Variants in CCP110 observed in about 807,000 individuals in gnomAD.
The protein encoded by CCP110 is centriolar coiled-coil protein 110, also known as centriolar coiled-coil protein of 110 kDa.
A neutral mutation model predicts 105.5 loss-of-function variants in CCP110; 43 were observed. The observed-to-expected ratio is 0.41, with a 90% CI of 0.32 to 0.53. CCP110 has a LOEUF of 0.53. CCP110 is among the 20% of genes least tolerant of loss of function. CCP110 has a pLI of 0.32. For missense variants in CCP110, 1,016 were observed against 1,189.1 expected (o/e 0.85, Z 2.14); for synonymous variants, 353 against 392.1 (o/e 0.90, Z 1.18).
At chr16:19,550,446 T>A (rs903017878) in intron 14 of CCP110, among the ~76,000 whole-genome samples, 1 of 152,176 alleles carries the variant, frequency 6.6e-6, no homozygotes, top group Non-Finnish European at 1.5e-5. Flanking sequence ...AGCCACCGCG[T>A]CCAGCCAGAA....
At chr16:19,531,981 A>AG (rs397954688) in intron 2 of CCP110, among the ~76,000 whole-genome samples, 1 of 151,810 alleles carries the variant, frequency 6.6e-6, no homozygotes, top group Non-Finnish European at 1.5e-5. Flanking sequence ...AAAAAAAAAA[A>AG]GGATACTGAA....
chr16:19,547,824 G>A (rs1970512189), intron 12 of CCP110, 131 bp from the exon 13 acceptor site: 1 of 667,718 alleles, frequency 1.5e-6, no homozygotes, highest in Non-Finnish European at 2.7e-6. Context: ...TCTGATTTGT[G>A]GTAATATATA....
intron 8 of CCP110, 25 bp from the exon 9 acceptor site, chr16:19,544,772 T>C (rs952721621): frequency 7.5e-6 from 9 of 1,193,956 alleles, no homozygotes; most frequent in Non-Finnish European, 1.1e-5. Flanking sequence ...GAAAAATGTT[T>C]TTGAAGGAGC....
intron 2 of CCP110, among the ~76,000 whole-genome samples, chr16:19,530,981 A>G (rs1969847821): frequency 6.6e-6 from 1 of 152,170 alleles, no homozygotes; most frequent in Non-Finnish European, 1.5e-5. Flanking sequence ...ACTAAATTAA[A>G]TCAGAAGTTA....
At chr16:19,538,302 CTTTTTTTTT>C (rs1164690143) in intron 4 of CCP110, among the ~76,000 whole-genome samples, 7 of 55,244 alleles carry the variant, frequency 1.3e-4, no homozygotes, top group East Asian at 7.0e-4. Flanking sequence ...GGAAACAGTT[CTTTTTTTTT>C]TTTTTTTTTT....
chr16:19,548,405 T>G lies in CCP110; in HGVS notation c.2901-110T>G. On this transcript the variant is annotated intron_variant, in intron 13 of 14. Coordinates refer to ENST00000381396, the Ensembl canonical transcript of CCP110. This position sits in a 1 kb window ranked among gnomAD's most constrained non-coding sequence, Gnocchi z 4.1. ...CGCATGCATGAGACTTCAGTTCTTT[T>G]CAAGCTTATTTGTGCTTTGGACAGT... 1 of 720,346 alleles carries G rather than the reference T, an allele frequency of 1.4e-6. No homozygotes were observed. Among genetic ancestry groups the G allele is most frequent in the Non-Finnish European group, 2.3e-6 (1 of 440,148 alleles). 44.6% of individuals were successfully genotyped at this position (720,346 alleles called of 1,614,324 possible).
At chr16:19,524,450 T>G (rs1411163748) in intron 1 of CCP110, among the ~76,000 whole-genome samples, 1 of 151,948 alleles carries the variant, frequency 6.6e-6, no homozygotes, top group Non-Finnish European at 1.5e-5. Flanking sequence ...GTTTGGGCCG[T>G]TTTTCTTCTC....
chr16:19,539,268 T>C (rs190485884), intron 4 of CCP110, among the ~76,000 whole-genome samples: 1 of 149,844 alleles, frequency 6.7e-6, no homozygotes, highest in African/African-American at 2.4e-5. Flanking sequence ...TTATTACTGA[T>C]ATAGAAGACA....
At chr16:19,546,129 A>G in intron 11 of CCP110, 1 of 520,204 alleles carries the variant, frequency 1.9e-6, no homozygotes, top group Non-Finnish European at 3.3e-6. Context: ...TAGCTGGTTA[A>G]TCTTAAAAAC....
chr16:19,543,487 C>CA (rs1970358371), intron 8 of CCP110, among the ~76,000 whole-genome samples: 1 of 152,104 alleles, frequency 6.6e-6, no homozygotes. Flanking sequence ...AATAGGAAAT[C>CA]AGTGCAACTT....
chr16:19,529,651 G>T (rs1225863133), intron 2 of CCP110, among the ~76,000 whole-genome samples: 1 of 151,872 alleles, frequency 6.6e-6, no homozygotes, highest in Non-Finnish European at 1.5e-5. Flanking sequence ...TAAATATTTT[G>T]GTGTACATCT....
chr16:19,548,510 A>G lies in CCP110; in HGVS notation c.2901-5A>G, dbSNP rs1411920244. On this transcript the variant is annotated splice_region_variant and splice_polypyrimidine_tract_variant and intron_variant, in intron 13 of 14. Transcript: ENST00000381396. This position sits in a 1 kb window ranked among gnomAD's most constrained non-coding sequence, Gnocchi z 4.1. Reference sequence around the variant, plus strand: ...TGACTTATTAATTTTTTTATATTCAATTAGAACCCCTAAGACATCAGTGAA... The same window carrying G: ...TGACTTATTAATTTTTTTATATTCAGTTAGAACCCCTAAGACATCAGTGAA... 2.0e-6 allele frequency: 3 copies of G among 1,525,088 alleles called. No individual in the cohort carries two copies. The African/African-American group carries it at 4.2e-5, about 21-fold the overall frequency. The allele number at this position is 1,525,088 out of a possible 1,614,324, so 94.5% of individuals were successfully genotyped here. A position where few individuals can be genotyped will look rare whatever the true frequency, so the allele number is the denominator to read the frequency against.
intron 3 of CCP110, among the ~76,000 whole-genome samples, chr16:19,534,009 C>T (rs1398260633): frequency 6.6e-6 from 1 of 152,116 alleles, no homozygotes; most frequent in African/African-American, 2.4e-5. Flanking sequence ...AGAGAACAAT[C>T]TAGACGCAGG....
rs548646412 is a variant in CCP110, at chr16:19,540,604, T to A, written c.1919-53T>A. On this transcript the variant is annotated intron_variant, in intron 4 of 14. Coordinates refer to ENST00000381396, the Ensembl canonical transcript of CCP110. ...TAATTTAAATTGATGGTATAAAATATCAGACATTAGACTTGTGAATTTTCT... is the reference window on the plus strand; with the variant it reads ...TAATTTAAATTGATGGTATAAAATAACAGACATTAGACTTGTGAATTTTCT... The A allele has an allele frequency of 3.8e-5, 55 of 1,448,994 alleles. No individual in the cohort carries two copies. The East Asian group carries it at 8.2e-4, about 22-fold the overall frequency. The allele number at this position is 1,448,994 out of a possible 1,614,324, so 89.8% of individuals were successfully genotyped here.
At chr16:19,533,708 T>C (rs1344132462) in intron 3 of CCP110, among the ~76,000 whole-genome samples, 1 of 152,214 alleles carries the variant, frequency 6.6e-6, no homozygotes, top group African/African-American at 2.4e-5. Context: ...CTTTGGTCTT[T>C]GTCCGTATCT....
exon 15 of CCP110, chr16:19,551,446 G>C (rs1224668498): frequency 1.7e-6 from 1 of 603,258 alleles, no homozygotes; most frequent in Non-Finnish European, 3.0e-6. Flanking sequence ...AATACGTTTG[G>C]GTGAAGACAA....
intron 2 of CCP110, among the ~76,000 whole-genome samples, chr16:19,532,091 A>G (rs1243238309): frequency 6.6e-6 from 1 of 152,210 alleles, no homozygotes; most frequent in Non-Finnish European, 1.5e-5. Flanking sequence ...AGAACATTTG[A>G]TTAGTGAACA....
In CCP110 at chr16:19,535,997, T is replaced by C. The variant is rs771457131; in HGVS notation, c.328T>C (p.Ser110Pro). The C allele has an allele frequency of 9.3e-6, 15 of 1,613,856 alleles. No homozygotes were observed. The African/African-American group carries it at 2.0e-4, about 22-fold the overall frequency. ...TCAGTGGGAGATGGAAACAGTTTACTCTAATTCAGAAGTCAGAAACTTGAA... is the reference window on the plus strand; with the variant it reads ...TCAGTGGGAGATGGAAACAGTTTACCCTAATTCAGAAGTCAGAAACTTGAA... Residue 110 changes from serine to proline, a missense_variant, in exon 4 of 15, where the codon TCT (serine) becomes CCT (proline). Physicochemically the swap from Ser to Pro is moderately conservative, Grantham distance 74 (BLOSUM62 -1). Transcript: ENST00000381396.
chr16:19,537,321 C>A, exon 4 of CCP110: 3 of 1,614,136 alleles, frequency 1.9e-6, no homozygotes, highest in Non-Finnish European at 1.7e-6. Flanking sequence ...AAAAACCCTT[C>A]TCCTTTATTG....
Sources: gnomAD v4.1 joint callset for allele counts (sites outside exome capture counted in the v4.1 genomes callset) on GRCh38, gnomAD v4.1.1 for gene constraint, Gnocchi (gnomAD v3.1) non-coding constraint, MANE v1.5 for transcripts, NCBI Gene and HGNC (gene_info 2026-07-23, HGNC 2026-07-21) for gene names.